The following MMADHC variants were observed in gnomAD, a reference collection of about 807,000 sequenced individuals.
The protein encoded by MMADHC is cobalamin trafficking protein CblD.
Under a neutral mutation model 36.3 loss-of-function variants are expected in MMADHC, and 23 were observed. The observed-to-expected ratio is 0.63, with a 90% confidence interval of 0.46 to 0.90. MMADHC has a LOEUF of 0.90. Ranked by LOEUF, MMADHC falls within the 40% of genes least tolerant of loss-of-function variation. The pLI, the probability that MMADHC is intolerant of heterozygous loss-of-function variation, is 0.00. For missense variants in MMADHC, 330 were observed against 348.0 expected, an observed-to-expected ratio of 0.95 and a Z score of 0.41; for synonymous variants, 97 against 116.1, an observed-to-expected ratio of 0.84 and a Z score of 1.06.
rs1229423782 is a variant in MMADHC at position 149,569,718 on chromosome 2, T to C, written c.*256A>G. 1.6e-5 allele frequency: 5 copies of C among 321,792 alleles called. No individual in the cohort carries two copies. Among genetic ancestry groups the C allele is most frequent in the Non-Finnish European group, 2.9e-5 (5 of 173,766 alleles). 19.9% of individuals were successfully genotyped at this position (321,792 alleles called of 1,614,324 possible). A position where few individuals can be genotyped will look rare whatever the true frequency, so the allele number is the denominator to read the frequency against. Reference sequence around the variant, plus strand: ...TTCCAATAAAGAGGAGAAATAACAATAGCAGATCATACCCTGGTTACAAGC... The same window carrying C: ...TTCCAATAAAGAGGAGAAATAACAACAGCAGATCATACCCTGGTTACAAGC... On this transcript the variant is annotated 3_prime_UTR_variant, in exon 8 of 8. Coordinates refer to ENST00000303319, the MANE Select transcript of MMADHC (RefSeq NM_015702.3).
Position 149,580,844 on chromosome 2 carries a change from A to C in MMADHC, c.155-1196T>G, listed in dbSNP as rs190681055. On this transcript the variant is annotated intron_variant, in intron 3 of 7. Transcript: ENST00000303319. Reference sequence around the variant, plus strand: ...CAAACTCTAAAGATGTACTTAAGATACATCTGGGATCTAGTTTAAATGCAG... The same window carrying C: ...CAAACTCTAAAGATGTACTTAAGATCCATCTGGGATCTAGTTTAAATGCAG... Among the ~76,000 whole-genome samples the C allele has an allele frequency of 2.2e-4, 33 of 152,320 alleles. 1 individual carries two copies. In the East Asian group the frequency reaches 5.4e-3, roughly 25 times the overall value.
chr2:149,579,012 A>G (rs1336310035), intron 4 of MMADHC, among the ~76,000 whole-genome samples: 1 of 150,348 alleles, frequency 6.7e-6, no homozygotes, highest in Non-Finnish European at 1.5e-5. Context: ...CTATATCTGA[A>G]CAATTTCAGA....
intron 4 of MMADHC, 56 bp from the exon 5 acceptor site, chr2:149,576,598 C>T: frequency 8.3e-7 from 1 of 1,210,566 alleles, no homozygotes; most frequent in Non-Finnish European, 1.2e-6. Context: ...AAAACGGTAT[C>T]TTGCCTGTTA....
At chr2:149,573,378 G>C (rs1682671473) in intron 6 of MMADHC, among the ~76,000 whole-genome samples, 1 of 152,152 alleles carries the variant, frequency 6.6e-6, no homozygotes, top group Non-Finnish European at 1.5e-5. Flanking sequence ...ACTTTGAAAG[G>C]AACAATCTGC....
rs1037406863 is a variant in MMADHC at position 149,571,863 on chromosome 2, A to C, written c.610-692T>G. Among the ~76,000 whole-genome samples the C allele has an allele frequency of 9.9e-5, 15 of 152,276 alleles. 1 individual carries two copies. Among genetic ancestry groups the C allele is most frequent in the Admixed American group, 5.9e-4 (9 of 15,294 alleles). On this transcript the variant is annotated intron_variant, in intron 6 of 7. Transcript: ENST00000303319. The stretch of plus-strand genomic sequence containing the variant: ...AACATCTGAAACATTCATTCGTTTA[A>C]ATGAAAGTTGTTTAAAAACATTTAC...
chr2:149,570,016 T>C lies in MMADHC; in HGVS notation c.849A>G (p.Ala283=). 6.2e-7 allele frequency: 1 copy of C among 1,613,744 alleles called. No homozygotes were observed. ...HVVVGSIFTN[A]TPDSHIMKKL... is the part of the protein sequence containing the mutation. ...TCTTCATAATATGGCTGTCTGGTGT[T>C]GCATTAGTGAAGATACTCCCTACAA... The change falls in exon 8 of 8, where the codon GCA becomes GCG. Residue 283 remains alanine, a synonymous_variant. Transcript: ENST00000303319.
chr2:149,571,853 C>T (rs987166782), intron 6 of MMADHC, among the ~76,000 whole-genome samples: 2 of 151,070 alleles, frequency 1.3e-5, no homozygotes, highest in Non-Finnish European at 2.9e-5. Flanking sequence ...CTGAAACATT[C>T]ATTCGTTTAA....
Position 149,571,113 on chromosome 2 carries a change from T to G in MMADHC, c.668A>C (p.Asp223Ala). ...YALRAEGYWA[D>A]FIDPSSGLAF... ...CAAACCAGATGATGGGTCAATAAAGTCAGCCCAATAACCCTCAGCTCGAAG... is the reference window on the plus strand; with the variant it reads ...CAAACCAGATGATGGGTCAATAAAGGCAGCCCAATAACCCTCAGCTCGAAG... The change falls in exon 7 of 8, where the codon GAC becomes GCC. Residue 223 changes from aspartate (D) to alanine (A), a missense_variant. Coordinates refer to ENST00000303319, the MANE Select transcript of MMADHC (RefSeq NM_015702.3). The G allele has an allele frequency of 3.1e-6, 5 of 1,612,800 alleles. No individual in the cohort carries two copies. Among genetic ancestry groups the G allele is most frequent in the Non-Finnish European group, 4.2e-6 (5 of 1,179,070 alleles).
intron 2 of MMADHC, among the ~76,000 whole-genome samples, chr2:149,583,608 G>A (rs2105050869): frequency 6.6e-6 from 1 of 152,256 alleles, no homozygotes; most frequent in East Asian, 1.9e-4. Context: ...GACTGGAGGA[G>A]GAGTAGAGAG....
At position 149,576,673 on chromosome 2, in the gene MMADHC, G is replaced by T. The variant is rs561201088; in HGVS notation, c.373-131C>A. The T allele has an allele frequency of 1.6e-5, 11 of 679,760 alleles. No individual in the cohort carries two copies. In the East Asian group the frequency reaches 3.0e-4, roughly 19 times the overall value. The allele number at this position is 679,760 out of a possible 1,614,324, so 42.1% of individuals were successfully genotyped here. The stretch of plus-strand genomic sequence containing the variant: ...CAAAAAATTATAATCTAACTGGGAG[G>T]TGAGGTAATAACATTTTCTCATTTA... On this transcript the variant is annotated intron_variant, in intron 4 of 7. Coordinates refer to ENST00000303319, the MANE Select transcript of MMADHC (RefSeq NM_015702.3).
chr2:149,575,085 C>A (rs1682694020), intron 6 of MMADHC, among the ~76,000 whole-genome samples: 1 of 152,194 alleles, frequency 6.6e-6, no homozygotes, highest in Non-Finnish European at 1.5e-5. Context: ...TGAGCCACTG[C>A]ACCCAGTTAA....
chr2:149,579,471 C>T lies in MMADHC; in HGVS notation c.332G>A (p.Arg111Lys). The change falls in exon 4 of 8, where the codon AGA becomes AAA. Residue 111 changes from arginine (R) to lysine (K), a missense_variant. Physicochemically the swap from Arg to Lys is conservative, Grantham distance 26. Coordinates refer to ENST00000303319, the MANE Select transcript of MMADHC (RefSeq NM_015702.3). ...DVLAEPLSSE[R>K]HEFVMAQYVN... ...ATATTGTGCCATCACAAACTCATGT[C>T]TTTCACTTGATAAAGGTTCTGCTAG... 6.2e-7 allele frequency: 1 copy of T among 1,612,286 alleles called. No homozygotes were observed. The highest frequency in any genetic ancestry group is 8.5e-7 in the Non-Finnish European group (1 of 1,179,970).
At chr2:149,572,040 A>G (rs189390401) in intron 6 of MMADHC, among the ~76,000 whole-genome samples, 355 of 152,184 alleles carry the variant, frequency 2.3e-3, no homozygotes, top group Middle Eastern at 6.8e-3. Flanking sequence ...TGTTTTTTGT[A>G]TAGTGTACAA....
At chr2:149,579,736 T>C (rs1682769384) in intron 3 of MMADHC, 88 bp from the exon 4 acceptor site, 67 of 1,100,336 alleles carry the variant, frequency 6.1e-5, no homozygotes, top group Middle Eastern at 2.9e-4. Flanking sequence ...AAATTATGTA[T>C]ATTTTTATCT....
chr2:149,570,682 A>T (rs77061204), intron 7 of MMADHC, among the ~76,000 whole-genome samples: 14,370 of 152,168 alleles, frequency 0.094, 690 homozygotes, highest in South Asian at 0.13. Flanking sequence ...AATTTCCAAA[A>T]ATTTACTGGT....
chr2:149,575,001 C>A (rs1233245590), intron 6 of MMADHC, among the ~76,000 whole-genome samples: 1 of 152,084 alleles, frequency 6.6e-6, no homozygotes, highest in Admixed American at 6.6e-5. Context: ...ACTACAGTGC[C>A]CAGGTTGGTC....
chr2:149,585,042 C>CAA (rs537964049), intron 2 of MMADHC, among the ~76,000 whole-genome samples: 942 of 66,276 alleles, frequency 0.014, 9 homozygotes, highest in Non-Finnish European at 0.021. Flanking sequence ...AACTCCGTCT[C>CAA]AAAAAAAAAA....
chr2:149,575,586 G>T, intron 6 of MMADHC, 125 bp downstream of exon 6: 1 of 746,908 alleles, frequency 1.3e-6, no homozygotes, highest in Non-Finnish European at 2.1e-6. Context: ...AAGTCCTTTA[G>T]TATTATAATA....
At chr2:149,587,064 G>GTAAACTTAAGAGATTACTATGCT (rs1682882215) in intron 2 of MMADHC, 25 bp downstream of exon 2, 3 of 1,611,676 alleles carry the variant, frequency 1.9e-6, no homozygotes, top group Non-Finnish European at 2.5e-6. Flanking sequence ...TTACTATGCT[G>GTAAACTTAAGAGATTACTATGCT]ATTCTTAAGA....
Sources: gnomAD v4.1 joint callset for allele counts (sites outside exome capture counted in the v4.1 genomes callset) on GRCh38, gnomAD v4.1.1 for gene constraint, MANE v1.5 for transcripts, NCBI Gene and HGNC (gene_info 2026-07-23, HGNC 2026-07-21) for gene names.